KCNMA1: variants seen among roughly 807,000 people sequenced by gnomAD.
The protein encoded by KCNMA1 is potassium calcium-activated channel subfamily M alpha 1.
Under a neutral mutation model 140.0 loss-of-function variants are expected in KCNMA1, and 29 were observed. The observed-to-expected ratio is 0.21, with a 90% confidence interval of 0.15 to 0.28. The LOEUF (loss-of-function observed/expected upper bound fraction) is 0.28. KCNMA1 is among the 10% of genes least tolerant of loss of function. The pLI is 1.00. For synonymous variants in KCNMA1, 612 were observed against 611.9 expected (o/e 1.00, Z 0.00); for missense variants, 880 against 1,602.2 (o/e 0.55, Z 7.70).
At chr10:77,456,674 C>T (rs924697467) in intron 1 of KCNMA1, among the ~76,000 whole-genome samples, 2 of 152,290 alleles carry the variant, frequency 1.3e-5, no homozygotes, top group East Asian at 3.9e-4. Context: ...CACTATGTGG[C>T]GCATCTAGAC....
intron 2 of KCNMA1, among the ~76,000 whole-genome samples, chr10:77,296,917 G>C (rs1387111075): frequency 1.3e-5 from 2 of 149,018 alleles, no homozygotes; most frequent in Non-Finnish European, 3.0e-5. Flanking sequence ...GTGGGCGGGG[G>C]GGCGGTGGGG....
At chr10:77,282,829 G>A (rs1193527956) in intron 2 of KCNMA1, among the ~76,000 whole-genome samples, 1 of 152,106 alleles carries the variant, frequency 6.6e-6, no homozygotes, top group African/African-American at 2.4e-5. Flanking sequence ...GGGCAACATA[G>A]CAAGACCCCA....
At chr10:77,195,842 G>A (rs1157060229) in intron 3 of KCNMA1, among the ~76,000 whole-genome samples, 4 of 152,018 alleles carry the variant, frequency 2.6e-5, no homozygotes, top group South Asian at 2.1e-4. Context: ...CCAGCTACTC[G>A]GGAGGCTGAG....
chr10:77,046,535 T>A (rs535749453), intron 14 of KCNMA1, among the ~76,000 whole-genome samples: 1 of 152,326 alleles, frequency 6.6e-6, no homozygotes, highest in South Asian at 2.1e-4. Context: ...CAGCATGCTC[T>A]GTCAAGGGGA....
chr10:77,243,680 C>A (rs1012046102), intron 3 of KCNMA1, among the ~76,000 whole-genome samples: 9 of 152,120 alleles, frequency 5.9e-5, no homozygotes, highest in African/African-American at 2.2e-4. Context: ...AGCAATTGGG[C>A]AAAATGTCCT....
chr10:77,134,487 T>G (rs1409211089), intron 5 of KCNMA1, among the ~76,000 whole-genome samples: 1 of 151,910 alleles, frequency 6.6e-6, no homozygotes, highest in Non-Finnish European at 1.5e-5. Context: ...ATAAAAAAAA[T>G]GTGCACCATA....
chr10:77,055,956 TAC>T (rs1247912534), intron 14 of KCNMA1, among the ~76,000 whole-genome samples: 15 of 152,210 alleles, frequency 9.9e-5, no homozygotes, highest in Non-Finnish European at 1.9e-4. Context: ...AGAACTAAAC[TAC>T]AATATAGACC....
intron 2 of KCNMA1, among the ~76,000 whole-genome samples, chr10:77,369,653 C>A: frequency 6.6e-6 from 1 of 152,204 alleles, no homozygotes; most frequent in East Asian, 1.9e-4. Flanking sequence ...GATTACCTTT[C>A]CCTGCCCAAC....
intron 12 of KCNMA1, among the ~76,000 whole-genome samples, 168 bp downstream of exon 12, chr10:77,084,469 C>A (rs1213971561): frequency 6.6e-6 from 1 of 152,172 alleles, no homozygotes; most frequent in Admixed American, 6.5e-5. Flanking sequence ...CTGCCCCAAC[C>A]CACACAGACA....
At chr10:77,363,231 T>C (rs1255689185) in intron 2 of KCNMA1, among the ~76,000 whole-genome samples, 1 of 152,194 alleles carries the variant, frequency 6.6e-6, no homozygotes, top group Non-Finnish European at 1.5e-5. Context: ...AATGATCCAG[T>C]TGGAATTCCA....
At chr10:77,241,212 G>A (rs991125142) in intron 3 of KCNMA1, among the ~76,000 whole-genome samples, 1 of 152,208 alleles carries the variant, frequency 6.6e-6, no homozygotes, top group African/African-American at 2.4e-5. Context: ...TGGAAAGGGA[G>A]AAATAAAGTC....
At chr10:77,329,723 A>G (rs603146) in intron 2 of KCNMA1, among the ~76,000 whole-genome samples, 128,475 of 152,194 alleles carry the variant, frequency 0.84, 54,459 homozygotes, top group African/African-American at 0.91. Flanking sequence ...CAAAGACATG[A>G]CAGAAAATAT....
chr10:77,636,562 T>C (rs767548490), intron 1 of KCNMA1: 75 of 1,536,028 alleles, frequency 4.9e-5, no homozygotes, highest in Non-Finnish European at 6.4e-5. Flanking sequence ...TATGTTCCAC[T>C]AGAGCACCTA....
At chr10:76,946,920 G>T (rs563006311) in intron 22 of KCNMA1, among the ~76,000 whole-genome samples, 1 of 152,204 alleles carries the variant, frequency 6.6e-6, no homozygotes, top group Non-Finnish European at 1.5e-5. Context: ...GAAGACATAG[G>T]TGAAGGCCCA....
chr10:77,632,714 G>A (rs753613351), intron 1 of KCNMA1, among the ~76,000 whole-genome samples: 10 of 152,296 alleles, frequency 6.6e-5, no homozygotes, highest in Middle Eastern at 3.4e-3. Flanking sequence ...TATAGTCTGC[G>A]CCCTTCAGGG....
At chr10:77,074,068 C>T (rs1394359388) in intron 13 of KCNMA1, among the ~76,000 whole-genome samples, 1 of 151,972 alleles carries the variant, frequency 6.6e-6, no homozygotes, top group Admixed American at 6.6e-5. Flanking sequence ...GGCAAAAGAC[C>T]AAACTAAAAA....
downstream of KCNMA1, chr10:76,874,625 TTATC>T (rs1482596878): frequency 2.0e-5 from 3 of 152,312 alleles, no homozygotes; most frequent in East Asian, 5.8e-4. Flanking sequence ...CACTTTTCCT[TTATC>T]TAACCCTAAC....
At chr10:77,486,546 T>C (rs1346225047) in intron 1 of KCNMA1, among the ~76,000 whole-genome samples, 1 of 152,252 alleles carries the variant, frequency 6.6e-6, no homozygotes, top group Admixed American at 6.5e-5. Context: ...TTAACCTCTC[T>C]TGACCCTTTT....
chr10:77,372,666 G>A (rs553576519), intron 2 of KCNMA1, among the ~76,000 whole-genome samples: 5 of 152,274 alleles, frequency 3.3e-5, no homozygotes, highest in South Asian at 2.1e-4. Context: ...TCTTCCATGC[G>A]CTTGCCTGGT....
Sources: allele counts gnomAD v4.1 joint callset (sites outside exome capture counted in the v4.1 genomes callset), GRCh38; gene constraint gnomAD v4.1.1; transcripts MANE v1.5; gene names NCBI Gene and HGNC (gene_info 2026-07-23, HGNC 2026-07-21).